Variants in SPDEF observed in about 807,000 individuals in gnomAD.
SPDEF encodes the protein SAM pointed domain containing ETS transcription factor.
A neutral mutation model predicts 36.0 loss-of-function variants in SPDEF; 12 were observed. That is an observed-to-expected ratio of 0.33 (90% CI 0.21 to 0.54). The LOEUF (loss-of-function observed/expected upper bound fraction) is 0.54, where lower values mean the gene tolerates loss of function less well. SPDEF is among the 20% of genes least tolerant of loss of function. The probability of loss-of-function intolerance (pLI) is 0.93; values close to 1 mark genes in which losing one functional copy is unlikely to be tolerated. For missense variants in SPDEF, 388 were observed against 456.9 expected (o/e 0.85, Z 1.37); for synonymous variants, 205 against 193.0 (o/e 1.06, Z -0.51).
chr6:34,545,832 C>T (rs139343558), intron 1 of SPDEF, among the ~76,000 whole-genome samples: 1 of 151,974 alleles, frequency 6.6e-6, no homozygotes. Context: ...AGGAGAATCA[C>T]TTGAACCCAG....
intron 3 of SPDEF, 107 bp downstream of exon 3, chr6:34,540,877 T>C (rs947236586): frequency 1.6e-5 from 17 of 1,033,340 alleles, no homozygotes; most frequent in Admixed American, 1.1e-4. Flanking sequence ...TGGAGTCCAG[T>C]TGGGGGCCAA....
intron 2 of SPDEF, 91 bp from the exon 3 acceptor site, chr6:34,541,272 C>A (rs1222181277): frequency 3.8e-6 from 5 of 1,314,380 alleles, no homozygotes; most frequent in South Asian, 1.4e-5. Context: ...GGCCTGAGAC[C>A]ATGTGCTCTT....
Position 34,544,535 on chromosome 6 carries a change from G to A in SPDEF, c.-29-51C>T. On this transcript the variant is annotated intron_variant, in intron 1 of 5. Coordinates refer to ENST00000374037, the MANE Select transcript of SPDEF (RefSeq NM_012391.3). This position sits in a 1 kb window ranked among gnomAD's most constrained non-coding sequence, Gnocchi z 4.4. ...TTTGACTGCTTCTCCATCCCTGTGGGGGCCGCTAAGCTGGTTATGGGGATG... is the reference window on the plus strand; with the variant it reads ...TTTGACTGCTTCTCCATCCCTGTGGAGGCCGCTAAGCTGGTTATGGGGATG... 1 of 1,394,490 alleles carries A rather than the reference G, an allele frequency of 7.2e-7. No homozygotes were observed. The highest frequency in any genetic ancestry group is 9.4e-7 in the Non-Finnish European group (1 of 1,058,392). 86.4% of individuals were successfully genotyped at this position (1,394,490 alleles called of 1,614,324 possible). A position where few individuals can be genotyped will look rare whatever the true frequency, so the allele number is the denominator to read the frequency against.
At chr6:34,551,964 C>T (rs1012670138) in intron 1 of SPDEF, among the ~76,000 whole-genome samples, 1 of 152,200 alleles carries the variant, frequency 6.6e-6, no homozygotes, top group Non-Finnish European at 1.5e-5. Flanking sequence ...TTGCCATTCA[C>T]GTCTTCCTTC....
intron 1 of SPDEF, among the ~76,000 whole-genome samples, chr6:34,546,648 C>A (rs111699639): frequency 6.6e-6 from 1 of 152,192 alleles, no homozygotes; most frequent in Non-Finnish European, 1.5e-5. Context: ...AGTGCCCAAC[C>A]TTCCCAGTGT....
chr6:34,549,070 C>T (rs542704002), intron 1 of SPDEF, among the ~76,000 whole-genome samples: 19 of 152,334 alleles, frequency 1.2e-4, no homozygotes, highest in African/African-American at 4.1e-4. Context: ...CAGGACCCAG[C>T]GTTCCTGCAG....
At chr6:34,542,483 CTATT>C (rs1027740374) in intron 2 of SPDEF, among the ~76,000 whole-genome samples, 4 of 152,256 alleles carry the variant, frequency 2.6e-5, no homozygotes, top group Non-Finnish European at 5.9e-5. Flanking sequence ...ACACATTTCT[CTATT>C]TATTTGTGAT....
At chr6:34,546,995 C>T (rs1436661476) in intron 1 of SPDEF, among the ~76,000 whole-genome samples, 4 of 141,786 alleles carry the variant, frequency 2.8e-5, no homozygotes, top group Admixed American at 6.8e-5. Flanking sequence ...CCTGGGGACC[C>T]CCCCCCGCAG....
chr6:34,541,140 G>A lies in SPDEF; in HGVS notation c.478C>T (p.Leu160=), dbSNP rs1221359431. ...AGCCGGTATTGGTGCTCTGTCCACA[G>A]GAGCCACTTCTGCACATTGCTGGGG... is the stretch of plus-strand genomic sequence containing the variant. ...WSPSNVQKWL[L]WTEHQYRLPP... is the part of the protein sequence containing the mutation. Residue 160 remains leucine, a synonymous_variant, in exon 3 of 6, where the codon CTG becomes TTG. Coordinates refer to ENST00000374037, the MANE Select transcript of SPDEF (RefSeq NM_012391.3). 5.6e-6 allele frequency: 9 copies of A among 1,609,400 alleles called. No homozygotes were observed. In the African/African-American group the frequency reaches 8.0e-5, roughly 14 times the overall value.
At position 34,544,830 on chromosome 6, in the gene SPDEF, C is replaced by A. The variant is rs972939629; in HGVS notation, c.-29-346G>T. Among the ~76,000 whole-genome samples the A allele has an allele frequency of 1.3e-5, 2 of 152,200 alleles. No individual in the cohort carries two copies. Among genetic ancestry groups the A allele is most frequent in the Non-Finnish European group, 2.9e-5 (2 of 68,022 alleles). On this transcript the variant is annotated intron_variant, in intron 1 of 5. Coordinates refer to ENST00000374037, the MANE Select transcript of SPDEF (RefSeq NM_012391.3). This position sits in a 1 kb window ranked among gnomAD's most constrained non-coding sequence, Gnocchi z 4.4. ...GCCCTCACAATGGAAGGCATGATTG[C>A]GCCATTTGGCGGATGAGCAAACTGA... is the stretch of plus-strand genomic sequence containing the variant.
intron 1 of SPDEF, among the ~76,000 whole-genome samples, chr6:34,549,506 C>T (rs544110626): frequency 2.0e-5 from 3 of 152,200 alleles, no homozygotes; most frequent in Admixed American, 2.0e-4. Flanking sequence ...CACTCCCACA[C>T]CCCAACTGGC....
At chr6:34,551,247 A>G (rs2894399) in intron 1 of SPDEF, among the ~76,000 whole-genome samples, 151,903 of 152,336 alleles carry the variant, frequency 1, 75,739 homozygotes, top group East Asian at 1. Context: ...GCCCCACAGC[A>G]GTTGCCTTAG....
Position 34,555,070 on chromosome 6 carries a change from G to A in SPDEF, c.-30+859C>T, listed in dbSNP as rs117083792. ...CATGCACACACACGCACACACACAT[G>A]CACATGCAACACGCACGCGCACATG... On this transcript the variant is annotated intron_variant, in intron 1 of 5. Coordinates refer to ENST00000374037, the MANE Select transcript of SPDEF (RefSeq NM_012391.3). The surrounding 1 kb of genome is among the most constrained non-coding windows in gnomAD (Gnocchi z 5.2). Among the ~76,000 whole-genome samples, 35 of 151,768 alleles carry A rather than the reference G, an allele frequency of 2.3e-4. No homozygotes were observed. In the East Asian group the frequency reaches 6.2e-3, roughly 27 times the overall value.
At position 34,541,190 on chromosome 6, in the gene SPDEF, G is replaced by A; in HGVS notation, c.437-9C>T. On this transcript the variant is annotated splice_polypyrimidine_tract_variant and intron_variant, in intron 2 of 5. Coordinates refer to ENST00000374037, the MANE Select transcript of SPDEF (RefSeq NM_012391.3). ...GCTCCAGTCCATGGGATCTGGGCAAGAGGCATCCCCTCAGCTCAGGGGTGG... is the reference window on the plus strand; with the variant it reads ...GCTCCAGTCCATGGGATCTGGGCAAAAGGCATCCCCTCAGCTCAGGGGTGG... The A allele has an allele frequency of 6.3e-7, 1 of 1,591,360 alleles. No homozygotes were observed. Among genetic ancestry groups the A allele is most frequent in the Non-Finnish European group, 8.6e-7 (1 of 1,167,970 alleles).
chr6:34,543,786 A>G (rs1767879999), intron 2 of SPDEF, among the ~76,000 whole-genome samples: 1 of 152,208 alleles, frequency 6.6e-6, no homozygotes, highest in South Asian at 2.1e-4. Context: ...CATATCATCC[A>G]GCACCTACCA....
chr6:34,538,523 C>T lies in SPDEF; in HGVS notation c.830-71G>A. ...GCAAGAAGGAGAAAGACGCAGACCA[C>T]CAGGTCAGCCTCGTGGCGAACCAAG... On this transcript the variant is annotated intron_variant, in intron 5 of 5. Coordinates refer to ENST00000374037, the MANE Select transcript of SPDEF (RefSeq NM_012391.3). This position sits in a 1 kb window ranked among gnomAD's most constrained non-coding sequence, Gnocchi z 5.9. The T allele has an allele frequency of 2.7e-6, 4 of 1,485,254 alleles. No homozygotes were observed. The highest frequency in any genetic ancestry group is 3.7e-6 in the Non-Finnish European group (4 of 1,094,674). 92.0% of individuals were successfully genotyped at this position (1,485,254 alleles called of 1,614,324 possible). A position where few individuals can be genotyped will look rare whatever the true frequency, so the allele number is the denominator to read the frequency against.
chr6:34,543,275 A>C (rs1310522221), intron 2 of SPDEF, among the ~76,000 whole-genome samples: 2 of 151,922 alleles, frequency 1.3e-5, no homozygotes, highest in African/African-American at 4.8e-5. Context: ...TCTATTGAGC[A>C]TCAGTTATAT....
intron 1 of SPDEF, among the ~76,000 whole-genome samples, chr6:34,551,021 C>A (rs1236095210): frequency 6.6e-6 from 1 of 152,208 alleles, no homozygotes. Context: ...CCGGGCCCTC[C>A]CAGCTGGGGC....
rs1402932907 is a variant in SPDEF at position 34,552,570 on chromosome 6, G to A, written c.-30+3359C>T. Among the ~76,000 whole-genome samples the A allele has an allele frequency of 6.6e-6, 1 of 152,162 alleles. No individual in the cohort carries two copies. Among genetic ancestry groups the A allele is most frequent in the African/African-American group, 2.4e-5 (1 of 41,436 alleles). ...CCCCTCCAGACCCAGCACAGGCCAG[G>A]GAAGGCAGAGGCCCTCCACACACCT... is the stretch of plus-strand genomic sequence containing the variant. On this transcript the variant is annotated intron_variant, in intron 1 of 5. Transcript: ENST00000374037. The surrounding 1 kb of genome is among the most constrained non-coding windows in gnomAD (Gnocchi z 4.6).
Sources: gnomAD v4.1 joint callset for allele counts (sites outside exome capture counted in the v4.1 genomes callset) on GRCh38, gnomAD v4.1.1 for gene constraint, Gnocchi (gnomAD v3.1) non-coding constraint, MANE v1.5 for transcripts, NCBI Gene and HGNC (gene_info 2026-07-23, HGNC 2026-07-21) for gene names.